ZNF57: variants seen among roughly 807,000 people sequenced by gnomAD.
ZNF57 encodes the protein zinc finger protein 57.
Under a neutral mutation model 13.4 loss-of-function variants are expected in ZNF57, and 11 were observed. The observed-to-expected ratio is 0.82, with a 90% CI of 0.52 to 1.36. ZNF57 has a LOEUF of 1.36. ZNF57 is among the 40% of genes most tolerant of loss of function. ZNF57 has a pLI of 0.00. For synonymous variants in ZNF57, 224 were observed against 238.5 expected (o/e 0.94, Z 0.56); for missense variants, 696 against 667.5 (o/e 1.04, Z -0.47).
chr19:2,901,008 G>A lies in ZNF57; in HGVS notation c.-38G>A. 6.4e-7 allele frequency: 1 copy of A among 1,554,652 alleles called. No homozygotes were observed. Among genetic ancestry groups the A allele is most frequent in the South Asian group, 1.2e-5 (1 of 84,462 alleles). ...TCAGCTGCGCCGGCCGCGAGGCCACGGAGAGCTCGCCTTGGAGAGCCCAGG... is the reference window on the plus strand; with the variant it reads ...TCAGCTGCGCCGGCCGCGAGGCCACAGAGAGCTCGCCTTGGAGAGCCCAGG... On this transcript the variant is annotated 5_prime_UTR_variant, in exon 1 of 4. Coordinates refer to ENST00000306908, the MANE Select transcript of ZNF57 (RefSeq NM_173480.3).
intron 1 of ZNF57, among the ~76,000 whole-genome samples, chr19:2,906,713 G>C (rs1392082844): frequency 6.6e-6 from 1 of 152,162 alleles, no homozygotes; most frequent in Admixed American, 6.5e-5. Context: ...GAAGGACTTG[G>C]ACATCCGTGT....
chr19:2,900,935 C>A lies in ZNF57; in HGVS notation c.-111C>A. 7.1e-7 allele frequency: 1 copy of A among 1,416,786 alleles called. No homozygotes were observed. The highest frequency in any genetic ancestry group is 9.6e-7 in the Non-Finnish European group (1 of 1,045,330). The allele number at this position is 1,416,786 out of a possible 1,614,324, so 87.8% of individuals were successfully genotyped here. A position where few individuals can be genotyped will look rare whatever the true frequency, so the allele number is the denominator to read the frequency against. ...AGGGCGGGACGTTTCGTCCTCCCTGCCGCGCGTGCCCTGCCTACCACGAGC... is the reference window on the plus strand; with the variant it reads ...AGGGCGGGACGTTTCGTCCTCCCTGACGCGCGTGCCCTGCCTACCACGAGC... On this transcript the variant is annotated 5_prime_UTR_variant, in exon 1 of 4. Coordinates refer to ENST00000306908, the MANE Select transcript of ZNF57 (RefSeq NM_173480.3).
chr19:2,916,772 C>T (rs2088202779), intron 3 of ZNF57, 152 bp from the exon 4 acceptor site: 1 of 590,922 alleles, frequency 1.7e-6, no homozygotes, highest in Admixed American at 3.7e-5. Flanking sequence ...ATAAATACTG[C>T]ATTAAAAAAT....
intron 1 of ZNF57, among the ~76,000 whole-genome samples, chr19:2,908,452 A>AT (rs1295034781): frequency 7.2e-5 from 7 of 97,434 alleles, no homozygotes; most frequent in Non-Finnish European, 1.2e-4. Context: ...TGTTGTTGTT[A>AT]TTTTTTTGGT....
chr19:2,912,652 G>A (rs560360881), intron 1 of ZNF57, among the ~76,000 whole-genome samples: 12 of 152,234 alleles, frequency 7.9e-5, no homozygotes, highest in South Asian at 2.1e-4. Context: ...TTGTTACAAG[G>A]GAATAATAAC....
In ZNF57 at chr19:2,904,056, G is replaced by C. The variant is rs542335754; in HGVS notation, c.3+3008G>C. On this transcript the variant is annotated intron_variant, in intron 1 of 3. Transcript: ENST00000306908. Reference sequence around the variant, plus strand: ...TTATATTTTTTTGTAGAGACGGGGGGCCTCGCTGTTGCCCCAGGCTAGTCT... The same window carrying C: ...TTATATTTTTTTGTAGAGACGGGGGCCCTCGCTGTTGCCCCAGGCTAGTCT... Among the ~76,000 whole-genome samples the C allele has an allele frequency of 2.0e-5, 3 of 152,224 alleles. No homozygotes were observed. The South Asian group carries it at 6.2e-4, about 32-fold the overall frequency.
chr19:2,916,231 A>G lies in ZNF57; in HGVS notation c.284A>G (p.Asp95Gly). 6.2e-7 allele frequency: 1 copy of G among 1,607,446 alleles called. No homozygotes were observed. Among genetic ancestry groups the G allele is most frequent in the Non-Finnish European group, 8.5e-7 (1 of 1,177,684 alleles). Residue 95 changes from aspartate (D) to glycine (G), a missense_variant, in exon 3 of 4, where the codon GAC (aspartate) becomes GGC (glycine). Coordinates refer to ENST00000306908, the MANE Select transcript of ZNF57 (RefSeq NM_173480.3). ...AATTGTGAAGGCTATGGCACTGAAG[A>G]CCACCACAAAAATCTGAGGTGAGTT... ...EKNCEGYGTE[D>G]HHKNLRNHMV...
intron 1 of ZNF57, among the ~76,000 whole-genome samples, chr19:2,909,322 C>T (rs1333906235): frequency 2.4e-5 from 2 of 83,308 alleles, no homozygotes; most frequent in African/African-American, 7.8e-5. Flanking sequence ...GCTCTGTCGC[C>T]CAGGCTGGAG....
intron 1 of ZNF57, among the ~76,000 whole-genome samples, chr19:2,902,956 G>A (rs35818720): frequency 0.3 from 45,262 of 152,062 alleles, 8,251 homozygotes; most frequent in Non-Finnish European, 0.42. Context: ...CCCCAAGACC[G>A]GTGACTCCAG....
intron 1 of ZNF57, among the ~76,000 whole-genome samples, chr19:2,906,746 C>CG (rs1018835281): frequency 3.3e-5 from 5 of 152,118 alleles, no homozygotes; most frequent in African/African-American, 1.2e-4. Context: ...AGACTGTCCT[C>CG]GGGGGATGGG....
At chr19:2,909,244 T>C (rs12460214) in intron 1 of ZNF57, among the ~76,000 whole-genome samples, 3,557 of 151,118 alleles carry the variant, frequency 0.024, 286 homozygotes, top group East Asian at 0.22. Context: ...TATGTTAACT[T>C]TTTTTCCTTA....
chr19:2,903,817 G>A (rs924970379), intron 1 of ZNF57, among the ~76,000 whole-genome samples: 18 of 151,526 alleles, frequency 1.2e-4, no homozygotes, highest in African/African-American at 3.6e-4. Context: ...CGGGGTTCAC[G>A]CCATTCTCCT....
chr19:2,902,743 A>C (rs1289413519), intron 1 of ZNF57, among the ~76,000 whole-genome samples: 1 of 152,172 alleles, frequency 6.6e-6, no homozygotes, highest in Non-Finnish European at 1.5e-5. Context: ...GTTTGTCACC[A>C]GGAGTATTGC....
intron 1 of ZNF57, among the ~76,000 whole-genome samples, chr19:2,907,555 T>C (rs909801428): frequency 2.6e-5 from 4 of 152,226 alleles, no homozygotes; most frequent in Non-Finnish European, 5.9e-5. Context: ...TCTTTTCCAT[T>C]GGTTCGTTTG....
At chr19:2,906,062 T>A (rs1412165531) in intron 1 of ZNF57, among the ~76,000 whole-genome samples, 1 of 152,182 alleles carries the variant, frequency 6.6e-6, no homozygotes, top group Non-Finnish European at 1.5e-5. Context: ...GATTGTTTTA[T>A]ATCCTTCATT....
At position 2,901,049 on chromosome 19, in the gene ZNF57, G is replaced by A; in HGVS notation, c.3+1G>A. 6.4e-7 allele frequency: 1 copy of A among 1,560,742 alleles called. No individual in the cohort carries two copies. On this transcript the variant is annotated splice_donor_variant, in intron 1 of 3. Coordinates refer to ENST00000306908, the MANE Select transcript of ZNF57 (RefSeq NM_173480.3). LOFTEE classifies it high-confidence loss of function. The stretch of plus-strand genomic sequence containing the variant: ...AGAGCCCAGGAGCAGGGGAGACATG[G>A]TGAGTGCGAGGCAGGAGCAGAGCCA...
At chr19:2,905,624 G>A (rs1177798031) in intron 1 of ZNF57, among the ~76,000 whole-genome samples, 1 of 151,732 alleles carries the variant, frequency 6.6e-6, no homozygotes, top group East Asian at 1.9e-4. Context: ...AATTAGCCGG[G>A]TGTGGTGGTG....
rs2088124402 is a variant in ZNF57 at position 2,910,697 on chromosome 19, T to G, written c.4-4825T>G. 1.8e-5 allele frequency among the ~76,000 whole-genome samples: 2 copies of G among 114,028 alleles called. 1 individual carries two copies. The highest frequency in any genetic ancestry group is 6.5e-4 in the South Asian group (2 of 3,098). The allele number at this position is 114,028 out of a possible 152,430, so 74.8% of individuals were successfully genotyped here. On this transcript the variant is annotated intron_variant, in intron 1 of 3. Coordinates refer to ENST00000306908, the MANE Select transcript of ZNF57 (RefSeq NM_173480.3). ...CGATGGTCTCAATCTCCTGACATCG[T>G]GATCTGCCCGCCTCGGCCTCCCGAA...
intron 1 of ZNF57, among the ~76,000 whole-genome samples, chr19:2,905,415 C>CCCG (rs1555677397): frequency 1.4e-5 from 1 of 71,808 alleles, no homozygotes; most frequent in Non-Finnish European, 4.0e-5. Context: ...TCGCCCCCCC[C>CCCG]CCCTCGGCAT....
Sources: gnomAD v4.1 joint callset for allele counts (sites outside exome capture counted in the v4.1 genomes callset) on GRCh38, gnomAD v4.1.1 for gene constraint, MANE v1.5 for transcripts, NCBI Gene and HGNC (gene_info 2026-07-23, HGNC 2026-07-21) for gene names.